Variants in TTC7B observed in about 807,000 individuals in gnomAD.
TTC7B encodes tetratricopeptide repeat protein 7B.
TTC7B carries 28 observed loss-of-function variants against 106.8 expected under a neutral mutation model. The ratio of observed to expected loss-of-function variants is 0.26; its 90% confidence interval spans 0.19 to 0.36. TTC7B has a LOEUF of 0.36. Among genes scored for constraint, TTC7B ranks in the 10% least tolerant of loss-of-function variants. The probability of loss-of-function intolerance (pLI) is 1.00; values close to 1 mark genes in which losing one functional copy is unlikely to be tolerated. For missense variants in TTC7B, 862 were observed against 1,076.4 expected (o/e 0.80, Z 2.79); for synonymous variants, 405 against 430.6 (o/e 0.94, Z 0.74).
Position 90,624,500 on chromosome 14 carries a change from T to A in TTC7B, c.1752-6455A>T, listed in dbSNP as rs1419501379. ...TGCTCCCAACCACTGGACATGCACC[T>A]CTAGTACCTCACACCCTAGTTTAGT... On this transcript the variant is annotated intron_variant, in intron 15 of 19. Transcript: ENST00000328459. The surrounding 1 kb of genome is among the most constrained non-coding windows in gnomAD (Gnocchi z 4.0). Among the ~76,000 whole-genome samples, 1 of 152,170 alleles carries A rather than the reference T, an allele frequency of 6.6e-6. No individual in the cohort carries two copies. The highest frequency in any genetic ancestry group is 2.4e-5 in the African/African-American group (1 of 41,442).
intron 15 of TTC7B, among the ~76,000 whole-genome samples, chr14:90,619,219 A>G (rs946086330): frequency 1.7e-4 from 26 of 152,218 alleles, no homozygotes; most frequent in Non-Finnish European, 3.4e-4. Flanking sequence ...TCACCTCGAG[A>G]AACTACAATG....
At chr14:90,664,471 ATGT>A (rs1195824717) in intron 9 of TTC7B, among the ~76,000 whole-genome samples, 1 of 152,056 alleles carries the variant, frequency 6.6e-6, no homozygotes, top group Non-Finnish European at 1.5e-5. Context: ...GGGTTTCACC[ATGT>A]TGGTCAGGCT....
At chr14:90,616,473 G>A (rs1595209960) in intron 16 of TTC7B, among the ~76,000 whole-genome samples, 2 of 150,662 alleles carry the variant, frequency 1.3e-5, no homozygotes, top group Admixed American at 6.6e-5. Context: ...ACAGCGCCGC[G>A]CCGCTGTTCC....
intron 5 of TTC7B, among the ~76,000 whole-genome samples, chr14:90,719,003 G>A (rs1595314184): frequency 6.6e-6 from 1 of 152,174 alleles, no homozygotes; most frequent in Admixed American, 6.5e-5. Flanking sequence ...GCTTGCGCCT[G>A]TAATCCCAGC....
At chr14:90,773,357 C>T (rs1325910493) in intron 3 of TTC7B, among the ~76,000 whole-genome samples, 1 of 152,168 alleles carries the variant, frequency 6.6e-6, no homozygotes, top group Non-Finnish European at 1.5e-5. Context: ...TCGCATCAAC[C>T]ATATCCTCAC....
At chr14:90,567,272 A>G (rs1182062406) in intron 19 of TTC7B, among the ~76,000 whole-genome samples, 3 of 152,264 alleles carry the variant, frequency 2.0e-5, no homozygotes, top group African/African-American at 7.2e-5. Context: ...GAGCTCGTCT[A>G]TCGACGCTGA....
At position 90,769,801 on chromosome 14, in the gene TTC7B, T is replaced by C. The variant is rs1054500822; in HGVS notation, c.445+10937A>G. 2.0e-5 allele frequency among the ~76,000 whole-genome samples: 3 copies of C among 151,918 alleles called. No homozygotes were observed. In the East Asian group the frequency reaches 5.8e-4, roughly 29 times the overall value. On this transcript the variant is annotated intron_variant, in intron 3 of 19. Transcript: ENST00000328459. Reference sequence around the variant, plus strand: ...ACAAACAAAAAGATATTCATGCAAATAGTAACCAAGAGAGCAGGGATGGCT... The same window carrying C: ...ACAAACAAAAAGATATTCATGCAAACAGTAACCAAGAGAGCAGGGATGGCT...
intron 17 of TTC7B, among the ~76,000 whole-genome samples, chr14:90,597,344 T>G (rs1892245332): frequency 6.6e-6 from 1 of 152,184 alleles, no homozygotes; most frequent in Non-Finnish European, 1.5e-5. Context: ...TTAATCAGAA[T>G]GGATACAGCT....
In TTC7B at chr14:90,808,665, A is replaced by C. The variant is rs977870898; in HGVS notation, c.121+7510T>G. 1.3e-5 allele frequency among the ~76,000 whole-genome samples: 2 copies of C among 151,174 alleles called. No individual in the cohort carries two copies. The highest frequency in any genetic ancestry group is 1.3e-4 in the Admixed American group (2 of 15,200). On this transcript the variant is annotated intron_variant, in intron 1 of 19. Transcript: ENST00000328459. The surrounding 1 kb of genome is among the most constrained non-coding windows in gnomAD (Gnocchi z 4.2). Reference sequence around the variant, plus strand: ...CTATCTCTGGGTCAGACATCCGCTCATCCTTGTCTTGGTGGCTGATGGGAA... The same window carrying C: ...CTATCTCTGGGTCAGACATCCGCTCCTCCTTGTCTTGGTGGCTGATGGGAA...
chr14:90,730,205 G>C lies in TTC7B; in HGVS notation c.577-9C>G. On this transcript the variant is annotated splice_polypyrimidine_tract_variant and intron_variant, in intron 4 of 19. Transcript: ENST00000328459. Reference sequence around the variant, plus strand: ...ATATTAGAAAGTATTACCTAGAAGGGGAGAAAATTGGAAAACTAATCAGAT... The same window carrying C: ...ATATTAGAAAGTATTACCTAGAAGGCGAGAAAATTGGAAAACTAATCAGAT... 1 of 1,592,474 alleles carries C rather than the reference G, an allele frequency of 6.3e-7. No individual in the cohort carries two copies. The highest frequency in any genetic ancestry group is 8.5e-7 in the Non-Finnish European group (1 of 1,173,780).
At chr14:90,786,582 A>G (rs1891397211) in intron 1 of TTC7B, among the ~76,000 whole-genome samples, 1 of 151,894 alleles carries the variant, frequency 6.6e-6, no homozygotes, top group Non-Finnish European at 1.5e-5. Flanking sequence ...TTGCCAGTAG[A>G]TACTTTTTTT....
At chr14:90,555,930 G>C (rs955473952) in intron 19 of TTC7B, among the ~76,000 whole-genome samples, 25 of 152,242 alleles carry the variant, frequency 1.6e-4, no homozygotes, top group Non-Finnish European at 2.2e-4. Context: ...GGACCCGTCA[G>C]GGGAGGGTGA....
At chr14:90,593,319 A>G (rs1453642939) in intron 18 of TTC7B, among the ~76,000 whole-genome samples, 167 bp downstream of exon 18, 2 of 152,254 alleles carry the variant, frequency 1.3e-5, no homozygotes, top group Non-Finnish European at 2.9e-5. Context: ...CGGTTTGTGC[A>G]AAGTAGTAGT....
At chr14:90,695,073 ATATTT>A (rs1435391491) in intron 6 of TTC7B, among the ~76,000 whole-genome samples, 14 of 119,532 alleles carry the variant, frequency 1.2e-4, no homozygotes, top group African/African-American at 4.2e-4. Flanking sequence ...ATTATAAAAT[ATATTT>A]TATTTTATTA....
chr14:90,703,121 GAAGAC>G (rs1888061679), intron 5 of TTC7B, among the ~76,000 whole-genome samples: 1 of 152,196 alleles, frequency 6.6e-6, no homozygotes, highest in South Asian at 2.1e-4. Flanking sequence ...GCCAGAGCTG[GAAGAC>G]AAGCATGAGG....
At chr14:90,658,815 T>C (rs954437537) in intron 9 of TTC7B, among the ~76,000 whole-genome samples, 1 of 152,148 alleles carries the variant, frequency 6.6e-6, no homozygotes, top group African/African-American at 2.4e-5. Context: ...TGAGACACCA[T>C]CAAAGGCAGA....
intron 3 of TTC7B, among the ~76,000 whole-genome samples, chr14:90,763,036 C>A (rs1191111961): frequency 6.6e-6 from 1 of 152,200 alleles, no homozygotes; most frequent in Non-Finnish European, 1.5e-5. Flanking sequence ...GAACACTTCA[C>A]AACTCATCCT....
chr14:90,664,230 T>C (rs1238000633), intron 9 of TTC7B, among the ~76,000 whole-genome samples: 2 of 152,164 alleles, frequency 1.3e-5, no homozygotes, highest in Non-Finnish European at 2.9e-5. Context: ...TGTGGGGAGA[T>C]GGAGAACATA....
chr14:90,572,777 T>C (rs758745757), intron 19 of TTC7B, among the ~76,000 whole-genome samples: 2 of 152,184 alleles, frequency 1.3e-5, no homozygotes, highest in African/African-American at 4.8e-5. Flanking sequence ...GATTGACCCC[T>C]TATGGTAACC....
Sources: allele counts gnomAD v4.1 joint callset (sites outside exome capture counted in the v4.1 genomes callset), GRCh38; gene constraint gnomAD v4.1.1; non-coding constraint Gnocchi (gnomAD v3.1); transcripts MANE v1.5; gene names NCBI Gene and HGNC (gene_info 2026-07-23, HGNC 2026-07-21).